SLC7A7: variants seen among roughly 807,000 people sequenced by gnomAD.
The protein encoded by SLC7A7 is solute carrier family 7 member 7.
SLC7A7 carries 39 observed loss-of-function variants against 47.9 expected under a neutral mutation model. The ratio of observed to expected loss-of-function variants is 0.81; its 90% confidence interval spans 0.63 to 1.06. SLC7A7 has a LOEUF of 1.06. SLC7A7 is among the 50% of genes least tolerant of loss of function. The pLI is 0.00. For missense variants in SLC7A7, 588 were observed against 632.0 expected (o/e 0.93, Z 0.75); for synonymous variants, 234 against 242.8 (o/e 0.96, Z 0.34).
At chr14:22,814,425 G>A (rs541666165) in intron 1 of SLC7A7, among the ~76,000 whole-genome samples, 165 of 151,854 alleles carry the variant, frequency 1.1e-3, no homozygotes, top group African/African-American at 3.8e-3. Flanking sequence ...CAGAGGTTGC[G>A]GTAAGCTAAG....
chr14:22,809,335 CACCCA>C (rs1566461849), intron 2 of SLC7A7, among the ~76,000 whole-genome samples: 46 of 149,516 alleles, frequency 3.1e-4, no homozygotes, highest in East Asian at 7.8e-4. Context: ...CCCACCACCA[CACCCA>C]GCTTTTTTTT....
At chr14:22,789,519 T>A (rs1288135203) in intron 2 of SLC7A7, among the ~76,000 whole-genome samples, 4 of 150,702 alleles carry the variant, frequency 2.7e-5, no homozygotes, top group Non-Finnish European at 5.9e-5. Context: ...TCCCAGCTAC[T>A]CAGGAGGCTG....
At chr14:22,783,264 T>TGTG (rs1367531896) in intron 2 of SLC7A7, among the ~76,000 whole-genome samples, 2 of 151,764 alleles carry the variant, frequency 1.3e-5, no homozygotes, top group Non-Finnish European at 2.9e-5. Context: ...GGTCTTGCTA[T>TGTG]GTGGCCCAGG....
Position 22,798,598 on chromosome 14 carries a change from CTT to C in SLC7A7, c.499+14300_499+14301del, listed in dbSNP as rs577496141. Among the ~76,000 whole-genome samples, 660 of 152,284 alleles carry C rather than the reference CTT, an allele frequency of 4.3e-3. 4 individuals are homozygous for C. The highest frequency in any genetic ancestry group is 0.015 in the African/African-American group (622 of 41,558). On this transcript the variant is annotated intron_variant, in intron 2 of 9. Transcript: ENST00000674313. The stretch of plus-strand genomic sequence containing the variant: ...CAACCAACCTAAGGCAGGCTTAACT[CTT>C]TTTCATAAAATCGTCCCTCAACCTT...
intron 2 of SLC7A7, among the ~76,000 whole-genome samples, chr14:22,789,627 CAAAAAAA>C (rs71115580): frequency 2.7e-5 from 3 of 112,578 alleles, no homozygotes; most frequent in Non-Finnish European, 3.7e-5. Flanking sequence ...GACTCTGGCT[CAAAAAAA>C]AAAAAAAAAA....
At chr14:22,788,886 G>A (rs774210764) in intron 2 of SLC7A7, among the ~76,000 whole-genome samples, 2 of 152,084 alleles carry the variant, frequency 1.3e-5, no homozygotes, top group African/African-American at 2.4e-5. Context: ...TGTGTGGGGT[G>A]GAGAGGCAGG....
chr14:22,786,714 G>A (rs1319755944), intron 2 of SLC7A7, among the ~76,000 whole-genome samples: 5 of 151,940 alleles, frequency 3.3e-5, no homozygotes, highest in Non-Finnish European at 4.4e-5. Context: ...TTGGAGGATC[G>A]CTTGAGTCCA....
At chr14:22,786,580 T>C (rs982501848) in intron 2 of SLC7A7, among the ~76,000 whole-genome samples, 2 of 152,224 alleles carry the variant, frequency 1.3e-5, no homozygotes, top group African/African-American at 2.4e-5. Flanking sequence ...TTACTACAAC[T>C]CCTTTCTTTC....
chr14:22,790,511 G>C (rs1372718650), intron 2 of SLC7A7, among the ~76,000 whole-genome samples: 1 of 152,062 alleles, frequency 6.6e-6, no homozygotes, highest in Non-Finnish European at 1.5e-5. Flanking sequence ...ATCTAAATGT[G>C]ACCTTATGCA....
chr14:22,806,897 T>TC (rs1397608056), intron 2 of SLC7A7, among the ~76,000 whole-genome samples: 3 of 122,240 alleles, frequency 2.5e-5, no homozygotes, highest in Non-Finnish European at 5.2e-5. Context: ...ACTGTTAACT[T>TC]TTTTTTTTTT....
rs772027108 is a variant in SLC7A7 at position 22,774,510 on chromosome 14, G to A, written c.1096-7C>T. The A allele has an allele frequency of 5.0e-6, 8 of 1,614,030 alleles. No individual in the cohort carries two copies. The Middle Eastern group carries it at 4.9e-4, about 99-fold the overall frequency. On this transcript the variant is annotated splice_polypyrimidine_tract_variant and splice_region_variant and intron_variant, in intron 7 of 9. Transcript: ENST00000674313. ...AGATCAATGCCATGATACCCTGTAA[G>A]CGTGAGCCTAAGTCAGCTCTTCTCA... is the stretch of plus-strand genomic sequence containing the variant.
chr14:22,793,003 G>A (rs1357118357), intron 2 of SLC7A7, among the ~76,000 whole-genome samples: 5 of 148,810 alleles, frequency 3.4e-5, no homozygotes, highest in Non-Finnish European at 5.9e-5. Context: ...TGCAACCTCC[G>A]CCTCCCGGGT....
chr14:22,799,429 T>TTTCTTTTG (rs397932534), intron 2 of SLC7A7, among the ~76,000 whole-genome samples: 1 of 150,152 alleles, frequency 6.7e-6, no homozygotes, highest in Admixed American at 6.7e-5. Flanking sequence ...GGTTTCTTTT[T>TTTCTTTTG]CTTTTTATTT....
rs1301882949 is a variant in SLC7A7, at chr14:22,796,769, C to G, written c.499+16131G>C. On this transcript the variant is annotated intron_variant, in intron 2 of 9. Transcript: ENST00000674313. ...AACAGTGGGCCAAAACACCTTGGCT[C>G]TGAGGAAAGGACAGTCGGGTGGAGC... 2.6e-5 allele frequency among the ~76,000 whole-genome samples: 4 copies of G among 152,290 alleles called. No individual in the cohort carries two copies. In the East Asian group the frequency reaches 7.7e-4, roughly 29 times the overall value.
chr14:22,774,221 C>T (rs146315900), intron 8 of SLC7A7, 105 bp from the exon 9 acceptor site: 5 of 1,588,294 alleles, frequency 3.1e-6, no homozygotes, highest in Non-Finnish European at 4.3e-6. Context: ...TCTTTCCATA[C>T]CTTTAATTTC....
rs767625954 is a variant in SLC7A7 at position 22,779,931 on chromosome 14, C to A, written c.620G>T (p.Gly207Val). The part of the protein sequence containing the change: ...AVIVAGIVRL[G>V]QGASTHFENS... Reference sequence around the variant, plus strand: ...CTACTAATATTATTTCTTACCCTGGCCAAGTCTAACAATGCCTGCAACGAT... The same window carrying A: ...CTACTAATATTATTTCTTACCCTGGACAAGTCTAACAATGCCTGCAACGAT... Residue 207 changes from glycine (G) to valine (V), a missense_variant, in exon 3 of 10, where the codon GGC (glycine) becomes GTC (valine). Gly to Val is a moderately radical substitution (Grantham distance 109, BLOSUM62 -3). Coordinates refer to ENST00000674313, the MANE Select transcript of SLC7A7 (RefSeq NM_003982.4). 1.2e-6 allele frequency: 2 copies of A among 1,613,944 alleles called. No individual in the cohort carries two copies. Among genetic ancestry groups the A allele is most frequent in the Non-Finnish European group, 1.7e-6 (2 of 1,180,010 alleles).
chr14:22,781,659 T>C (rs1339036913), intron 2 of SLC7A7, among the ~76,000 whole-genome samples: 1 of 152,056 alleles, frequency 6.6e-6, no homozygotes, highest in Non-Finnish European at 1.5e-5. Flanking sequence ...CTGTCACTCC[T>C]CCTCAGCCAG....
rs116557557 is a variant in SLC7A7 at position 22,791,636 on chromosome 14, A to G, written c.500-11585T>C. 2.6e-3 allele frequency among the ~76,000 whole-genome samples: 397 copies of G among 152,256 alleles called. 2 individuals carry two copies. Among genetic ancestry groups the G allele is most frequent in the African/African-American group, 9.2e-3 (382 of 41,564 alleles). The stretch of plus-strand genomic sequence containing the variant: ...GGGAAGGCCAAACCCCACAACTGGC[A>G]TACTCAGGCCTGCTAATACCCTGGT... On this transcript the variant is annotated intron_variant, in intron 2 of 9. Coordinates refer to ENST00000674313, the MANE Select transcript of SLC7A7 (RefSeq NM_003982.4).
At chr14:22,818,267 C>A (rs1277185451), upstream of SLC7A7, among the ~76,000 whole-genome samples, 1 of 149,386 alleles carries the variant, frequency 6.7e-6, no homozygotes. Flanking sequence ...GGGGGTAAAA[C>A]CCACACTCCA....
Sources: allele counts gnomAD v4.1 joint callset (sites outside exome capture counted in the v4.1 genomes callset), GRCh38; gene constraint gnomAD v4.1.1; transcripts MANE v1.5; gene names NCBI Gene and HGNC (gene_info 2026-07-23, HGNC 2026-07-21).